The following IGSF11 variants were observed in gnomAD, a reference collection of about 807,000 sequenced individuals.
The protein encoded by IGSF11 is CXADR like 1.
A neutral mutation model predicts 41.0 loss-of-function variants in IGSF11; 22 were observed. The observed-to-expected ratio is 0.54, with a 90% CI of 0.38 to 0.77. The LOEUF is 0.77. Among genes scored for constraint, IGSF11 ranks in the 30% least tolerant of loss-of-function variants. The pLI is 0.00. For missense variants in IGSF11, 444 were observed against 530.8 expected (o/e 0.84, Z 1.61); for synonymous variants, 219 against 201.3 (o/e 1.09, Z -0.74).
chr3:118,973,911 C>T (rs1407957072), intron 1 of IGSF11, among the ~76,000 whole-genome samples: 6 of 151,982 alleles, frequency 3.9e-5, no homozygotes, highest in African/African-American at 1.5e-4. Context: ...TGAGAACACA[C>T]GCACACAGGG....
Position 119,134,707 on chromosome 3 carries a change from A to T in IGSF11, c.-14+11106T>A, listed in dbSNP as rs970880584. Among the ~76,000 whole-genome samples the T allele has an allele frequency of 2.1e-4, 32 of 152,012 alleles. 1 individual carries two copies. In the South Asian group the frequency reaches 5.8e-3, roughly 28 times the overall value. On this transcript the variant is annotated intron_variant, in intron 1 of 7. Transcript: ENST00000425327. Reference sequence around the variant, plus strand: ...TGACTTTCTTCACAGAATTGGAAAAAACTAAAGTTCATATGGAACCAAAAA... The same window carrying T: ...TGACTTTCTTCACAGAATTGGAAAATACTAAAGTTCATATGGAACCAAAAA...
chr3:118,907,841 G>A (rs1357579705), intron 4 of IGSF11, among the ~76,000 whole-genome samples: 2 of 152,052 alleles, frequency 1.3e-5, no homozygotes, highest in African/African-American at 4.8e-5. Context: ...CTCTAGTAAG[G>A]CATTTAAAAC....
intron 1 of IGSF11, among the ~76,000 whole-genome samples, chr3:119,048,617 A>C (rs1012477278): frequency 6.6e-6 from 1 of 152,042 alleles, no homozygotes; most frequent in African/African-American, 2.4e-5. Flanking sequence ...AATCAATAGA[A>C]AAAGAAGGAA....
intron 1 of IGSF11, among the ~76,000 whole-genome samples, chr3:119,055,858 C>T (rs914942690): frequency 3.3e-5 from 5 of 152,152 alleles, no homozygotes; most frequent in Non-Finnish European, 7.3e-5. Flanking sequence ...GAACAACCTG[C>T]TCCTGAATGA....
chr3:119,117,793 C>T (rs1170574915), intron 1 of IGSF11, among the ~76,000 whole-genome samples: 1 of 152,178 alleles, frequency 6.6e-6, no homozygotes, highest in Non-Finnish European at 1.5e-5. Context: ...TTCCCAGATA[C>T]AATGAGGGTA....
At chr3:118,945,303 T>C (rs1005290890) in intron 1 of IGSF11, among the ~76,000 whole-genome samples, 2 of 152,160 alleles carry the variant, frequency 1.3e-5, no homozygotes, top group Non-Finnish European at 2.9e-5. Context: ...GTGGTCATAC[T>C]CTTATTTTGA....
intron 1 of IGSF11, among the ~76,000 whole-genome samples, chr3:118,988,633 G>A (rs953032994): frequency 6.6e-6 from 1 of 152,160 alleles, no homozygotes; most frequent in African/African-American, 2.4e-5. Flanking sequence ...TGTCCTCGGG[G>A]TGGGAAACTT....
chr3:119,079,960 AAT>A (rs1236522281), intron 1 of IGSF11, among the ~76,000 whole-genome samples: 1 of 152,184 alleles, frequency 6.6e-6, no homozygotes, highest in African/African-American at 2.4e-5. Context: ...GTAATGAAAT[AAT>A]TTGTACACCA....
At chr3:119,108,143 A>G (rs2077069726), upstream of IGSF11, among the ~76,000 whole-genome samples, 1 of 150,970 alleles carries the variant, frequency 6.6e-6, no homozygotes, top group Non-Finnish European at 1.5e-5. Context: ...TGGTAGCTTG[A>G]TGGGGATGAC....
At chr3:118,968,306 C>T (rs1008210502) in intron 1 of IGSF11, among the ~76,000 whole-genome samples, 2 of 152,068 alleles carry the variant, frequency 1.3e-5, no homozygotes, top group African/African-American at 4.8e-5. Flanking sequence ...GTTTCTGTTC[C>T]TTCTTTCCTA....
chr3:119,033,129 T>A (rs1180735944), intron 1 of IGSF11, among the ~76,000 whole-genome samples: 1 of 152,180 alleles, frequency 6.6e-6, no homozygotes. Flanking sequence ...TGCCTAATAA[T>A]TCAAAAACAA....
At chr3:119,131,403 G>A (rs577908131) in intron 1 of IGSF11, among the ~76,000 whole-genome samples, 3 of 152,312 alleles carry the variant, frequency 2.0e-5, no homozygotes, top group Admixed American at 6.5e-5. Context: ...ACTTCATGAT[G>A]CGTACACAAG....
chr3:118,909,140 A>G (rs916314144), intron 4 of IGSF11, among the ~76,000 whole-genome samples: 1 of 152,204 alleles, frequency 6.6e-6, no homozygotes, highest in African/African-American at 2.4e-5. Context: ...GTGTCTCCCA[A>G]TGGATATTAA....
chr3:119,043,047 T>G (rs963438704), intron 1 of IGSF11, among the ~76,000 whole-genome samples: 2 of 152,144 alleles, frequency 1.3e-5, no homozygotes, highest in East Asian at 3.9e-4. Flanking sequence ...ATAGCTCTAT[T>G]AGAAGCTGTG....
intron 1 of IGSF11, among the ~76,000 whole-genome samples, chr3:119,120,429 AT>A (rs2077316728): frequency 6.6e-6 from 1 of 152,204 alleles, no homozygotes; most frequent in Admixed American, 6.5e-5. Flanking sequence ...TGAGGAGTGG[AT>A]TTAGGAGTGG....
chr3:118,987,923 C>G (rs182890815), intron 1 of IGSF11, among the ~76,000 whole-genome samples: 3 of 152,316 alleles, frequency 2.0e-5, no homozygotes, highest in African/African-American at 7.2e-5. Context: ...CACCATTACT[C>G]CAACTGGGCT....
rs1289973068 is a variant in IGSF11, at chr3:118,927,621, G to C, written c.424+888C>G. On this transcript the variant is annotated intron_variant, in intron 3 of 6. Transcript: ENST00000393775. ...TATTCTTAAGTGACTCAACAACAACGAAGGAAAAAGAAAGCGGGGGTGGAG... is the reference window on the plus strand; with the variant it reads ...TATTCTTAAGTGACTCAACAACAACCAAGGAAAAAGAAAGCGGGGGTGGAG... Among the ~76,000 whole-genome samples the C allele has an allele frequency of 2.0e-5, 3 of 152,068 alleles. No homozygotes were observed. The East Asian group carries it at 5.8e-4, about 29-fold the overall frequency.
rs751254171 is a variant in IGSF11 at position 119,020,801 on chromosome 3, T to G, written c.52+13730A>C. On this transcript the variant is annotated intron_variant, in intron 1 of 6. Coordinates refer to ENST00000393775, the MANE Select transcript of IGSF11 (RefSeq NM_001015887.3). The stretch of plus-strand genomic sequence containing the variant: ...CACATGACATTTTAACTATGATATA[T>G]CTATACTTCTGCTTCCCCACACAAT... Among the ~76,000 whole-genome samples the G allele has an allele frequency of 4.1e-4, 63 of 152,230 alleles. 1 individual carries two copies. Among genetic ancestry groups the G allele is most frequent in the Non-Finnish European group, 7.2e-4 (49 of 68,048 alleles).
intron 4 of IGSF11, among the ~76,000 whole-genome samples, chr3:118,911,649 AAG>A (rs372954086): frequency 2.0e-5 from 3 of 151,146 alleles, no homozygotes; most frequent in Admixed American, 6.6e-5. Context: ...AAAATGAGAG[AAG>A]AGAGAGAGAG....
Sources: allele counts gnomAD v4.1 joint callset (sites outside exome capture counted in the v4.1 genomes callset), GRCh38; gene constraint gnomAD v4.1.1; transcripts MANE v1.5; gene names NCBI Gene and HGNC (gene_info 2026-07-23, HGNC 2026-07-21).